Variants in TM2D1 observed in about 807,000 individuals in gnomAD.
The protein encoded by TM2D1 is TM2 domain containing 1, also known as TM2 domain-containing protein 1.
Under a neutral mutation model 28.4 loss-of-function variants are expected in TM2D1, and 15 were observed. That is an observed-to-expected ratio of 0.53 (90% CI 0.35 to 0.81). TM2D1 has a LOEUF of 0.81. TM2D1 is among the 40% of genes least tolerant of loss of function. The probability of loss-of-function intolerance (pLI) is 0.01; values close to 1 mark genes in which losing one functional copy is unlikely to be tolerated. For missense variants in TM2D1, 236 were observed against 254.9 expected (o/e 0.93, Z 0.50); for synonymous variants, 93 against 96.2 (o/e 0.97, Z 0.20).
chr1:61,693,190 A>T lies in TM2D1; in HGVS notation c.513+1507T>A, dbSNP rs1011477787. On this transcript the variant is annotated intron_variant, in intron 5 of 6. Transcript: ENST00000606498. ...AGGCAGAGGTTGACAGTGATCTGAG[A>T]TCACACCACTGCACTCCAGCCTGTG... Among the ~76,000 whole-genome samples, 7 of 152,292 alleles carry T rather than the reference A, an allele frequency of 4.6e-5. No individual in the cohort carries two copies. The South Asian group carries it at 1.5e-3, about 32-fold the overall frequency.
intron 5 of TM2D1, among the ~76,000 whole-genome samples, chr1:61,693,519 C>G (rs1644343084): frequency 6.6e-6 from 1 of 152,202 alleles, no homozygotes; most frequent in African/African-American, 2.4e-5. Context: ...ACCTTAGCCT[C>G]TTCATGCCTG....
At position 61,707,315 on chromosome 1, in the gene TM2D1, C is replaced by T. The variant is rs1227809648; in HGVS notation, c.347+2014G>A. ...TTAGTGTAGCTCAGTTGTATGCAGC[C>T]TAATCCATTTTGAGACACTGAAAGA... On this transcript the variant is annotated intron_variant, in intron 3 of 6. Coordinates refer to ENST00000606498, the MANE Select transcript of TM2D1 (RefSeq NM_032027.3). 2.6e-5 allele frequency among the ~76,000 whole-genome samples: 4 copies of T among 152,074 alleles called. No individual in the cohort carries two copies. The South Asian group carries it at 8.3e-4, about 31-fold the overall frequency.
intron 2 of TM2D1, among the ~76,000 whole-genome samples, chr1:61,711,315 G>A (rs561358640): frequency 4.0e-5 from 6 of 148,884 alleles, no homozygotes; most frequent in African/African-American, 1.5e-4. Flanking sequence ...GGGTGAAAGA[G>A]TGAAACTCCA....
chr1:61,721,758 C>T (rs1381044531), intron 2 of TM2D1, among the ~76,000 whole-genome samples: 1 of 151,668 alleles, frequency 6.6e-6, no homozygotes, highest in Admixed American at 6.6e-5. Flanking sequence ...ATATCTGTCT[C>T]TGATCAGGAG....
intron 3 of TM2D1, among the ~76,000 whole-genome samples, chr1:61,706,114 A>G (rs1296375725): frequency 1.3e-5 from 2 of 152,122 alleles, no homozygotes; most frequent in African/African-American, 4.8e-5. Flanking sequence ...AAGCAAAATT[A>G]TTTATCCAGT....
rs542875676 is a variant in TM2D1, at chr1:61,703,758, A to AT, written c.348-2734dup. Among the ~76,000 whole-genome samples the AT allele has an allele frequency of 8.4e-3, 760 of 90,374 alleles. 18 individuals carry two copies. Among genetic ancestry groups the AT allele is most frequent in the East Asian group, 0.025 (62 of 2,454 alleles). 59.3% of individuals were successfully genotyped at this position (90,374 alleles called of 152,430 possible). On this transcript the variant is annotated intron_variant, in intron 3 of 6. Coordinates refer to ENST00000606498, the MANE Select transcript of TM2D1 (RefSeq NM_032027.3). ...TATATATATATATATATATATATGC[A>AT]TTTTTTTTTTTTTTTGAGATGGAGT...
At chr1:61,713,150 A>G (rs1484070647) in intron 2 of TM2D1, among the ~76,000 whole-genome samples, 1 of 146,098 alleles carries the variant, frequency 6.8e-6, no homozygotes, top group Non-Finnish European at 1.5e-5. Context: ...AGCCAGGGAG[A>G]TAGAATGAGA....
intron 4 of TM2D1, chr1:61,700,093 G>A (rs1644391166): frequency 7.0e-7 from 1 of 1,438,608 alleles, no homozygotes; most frequent in Non-Finnish European, 9.1e-7. Context: ...CATGATCTCT[G>A]GAGCCAGAAA....
At chr1:61,724,913 A>G (rs1211783499) in intron 1 of TM2D1, 44 bp downstream of exon 1, 4 of 1,539,638 alleles carry the variant, frequency 2.6e-6, no homozygotes, top group Non-Finnish European at 3.5e-6. Flanking sequence ...TGCGACCCCA[A>G]CTCTACCTCG....
chr1:61,710,280 G>T (rs77829165), intron 2 of TM2D1, among the ~76,000 whole-genome samples: 2,899 of 151,450 alleles, frequency 0.019, 110 homozygotes, highest in African/African-American at 0.064. Flanking sequence ...ACAAAAATTT[G>T]CCAGGCATGG....
rs1644240664 is a variant in TM2D1 at position 61,681,126 on chromosome 1, A to C, written c.*244T>G. 1 of 153,802 alleles carries C rather than the reference A, an allele frequency of 6.5e-6. No homozygotes were observed. Among genetic ancestry groups the C allele is most frequent in the South Asian group, 2.1e-4 (1 of 4,834 alleles). The allele number at this position is 153,802 out of a possible 1,614,324, so 9.5% of individuals were successfully genotyped here. A position where few individuals can be genotyped will look rare whatever the true frequency, so the allele number is the denominator to read the frequency against. ...CCTTTGTAAAAGATTAAAGAGTATC[A>C]GAGTAATAAGCTATCTCTCATAGAG... On this transcript the variant is annotated 3_prime_UTR_variant, in exon 7 of 7. Transcript: ENST00000606498.
intron 4 of TM2D1, among the ~76,000 whole-genome samples, chr1:61,695,563 T>A (rs1255780597): frequency 6.6e-6 from 1 of 152,170 alleles, no homozygotes; most frequent in African/African-American, 2.4e-5. Flanking sequence ...AAAAATGGTA[T>A]AAGACAAGAC....
chr1:61,695,129 A>T (rs1454197068), intron 4 of TM2D1, among the ~76,000 whole-genome samples: 3 of 152,128 alleles, frequency 2.0e-5, no homozygotes, highest in African/African-American at 7.2e-5. Flanking sequence ...TTACTTATTT[A>T]GACTTCATAC....
intron 4 of TM2D1, among the ~76,000 whole-genome samples, 151 bp from the exon 5 acceptor site, chr1:61,694,921 C>T (rs999425367): frequency 1.6e-4 from 25 of 152,000 alleles, no homozygotes; most frequent in African/African-American, 5.8e-4. Flanking sequence ...CAAATCTTCA[C>T]TTGAAAATGA....
chr1:61,688,243 AG>A (rs1644297265), intron 5 of TM2D1, among the ~76,000 whole-genome samples: 1 of 152,170 alleles, frequency 6.6e-6, no homozygotes, highest in Non-Finnish European at 1.5e-5. Flanking sequence ...ATCCTCTTAA[AG>A]GCACTAAAAA....
intron 5 of TM2D1, among the ~76,000 whole-genome samples, chr1:61,692,797 T>C (rs1207645449): frequency 6.6e-6 from 1 of 152,228 alleles, no homozygotes; most frequent in Non-Finnish European, 1.5e-5. Context: ...GGATTTATTA[T>C]AATCTCCCTC....
At chr1:61,683,109 T>C (rs1644259483) in intron 6 of TM2D1, among the ~76,000 whole-genome samples, 1 of 152,148 alleles carries the variant, frequency 6.6e-6, no homozygotes, top group Non-Finnish European at 1.5e-5. Flanking sequence ...ATCTGCTATA[T>C]TGAGCTATTT....
At chr1:61,699,966 G>T (rs1298341736) in intron 4 of TM2D1, 5 of 539,736 alleles carry the variant, frequency 9.3e-6, no homozygotes, top group Admixed American at 9.1e-5. Flanking sequence ...ATCTTTTGTG[G>T]GTAGCAACAT....
chr1:61,719,838 G>A lies in TM2D1; in HGVS notation c.238+3875C>T, dbSNP rs564758696. Among the ~76,000 whole-genome samples the A allele has an allele frequency of 1.7e-3, 259 of 152,160 alleles. 3 individuals are homozygous for A. Among genetic ancestry groups the A allele is most frequent in the African/African-American group, 5.9e-3 (246 of 41,510 alleles). On this transcript the variant is annotated intron_variant, in intron 2 of 6. Transcript: ENST00000606498. ...ACTACTCTTATTCTTCTAACTTTTCGGTAGGTTTGAAACTATCGCCAAATA... is the reference window on the plus strand; with the variant it reads ...ACTACTCTTATTCTTCTAACTTTTCAGTAGGTTTGAAACTATCGCCAAATA...
Sources: allele counts gnomAD v4.1 joint callset (sites outside exome capture counted in the v4.1 genomes callset), GRCh38; gene constraint gnomAD v4.1.1; transcripts MANE v1.5; gene names NCBI Gene and HGNC (gene_info 2026-07-23, HGNC 2026-07-21).